Variants in SPACA1 observed in about 807,000 individuals in gnomAD.
SPACA1 encodes sperm acrosome membrane-associated protein 1.
A neutral mutation model predicts 32.6 loss-of-function variants in SPACA1; 17 were observed. The observed-to-expected ratio is 0.52, with a 90% CI of 0.36 to 0.78. SPACA1 has a LOEUF of 0.78. SPACA1 is among the 30% of genes least tolerant of loss of function. The probability of loss-of-function intolerance (pLI) is 0.01; values close to 1 mark genes in which losing one functional copy is unlikely to be tolerated. For missense variants in SPACA1, 363 were observed against 373.4 expected, an observed-to-expected ratio of 0.97 and a Z score of 0.23; for synonymous variants, 140 against 138.1, an observed-to-expected ratio of 1.01 and a Z score of -0.10.
chr6:88,058,839 T>A lies in SPACA1; in HGVS notation c.474+17T>A. ...CAAGACCAAGTGAGTAATGAATGGATATAACCTGGTGCTTTCTAGTGAGTG... is the reference window on the plus strand; with the variant it reads ...CAAGACCAAGTGAGTAATGAATGGAAATAACCTGGTGCTTTCTAGTGAGTG... On this transcript the variant is annotated intron_variant, in intron 4 of 6. Transcript: ENST00000237201. The A allele has an allele frequency of 6.6e-7, 1 of 1,517,658 alleles. No homozygotes were observed. The highest frequency in any genetic ancestry group is 9.1e-7 in the Non-Finnish European group (1 of 1,098,748). 94.0% of individuals were successfully genotyped at this position (1,517,658 alleles called of 1,614,324 possible).
chr6:88,051,246 C>G lies in SPACA1; in HGVS notation c.209-2700C>G, dbSNP rs549107259. Among the ~76,000 whole-genome samples, 16 of 151,844 alleles carry G rather than the reference C, an allele frequency of 1.1e-4. No homozygotes were observed. The South Asian group carries it at 3.4e-3, about 32-fold the overall frequency. On this transcript the variant is annotated intron_variant, in intron 1 of 6. Transcript: ENST00000237201. ...AAATATATCTTTTATACAAGTATAC[C>G]CTTAGATTTATAAAAAGGGGCCAAT...
At chr6:88,061,568 C>T (rs536930343) in intron 5 of SPACA1, among the ~76,000 whole-genome samples, 2 of 152,118 alleles carry the variant, frequency 1.3e-5, no homozygotes, top group East Asian at 3.9e-4. Flanking sequence ...AGTTATGCTA[C>T]CAGAATCCAA....
chr6:88,058,650 A>G, intron 3 of SPACA1, 66 bp from the exon 4 acceptor site: 1 of 1,176,374 alleles, frequency 8.5e-7, no homozygotes, highest in Admixed American at 1.9e-5. Context: ...GGAAAAAAAA[A>G]AGTAATTTCG....
intron 5 of SPACA1, among the ~76,000 whole-genome samples, chr6:88,063,372 A>T (rs1775925278): frequency 6.6e-6 from 1 of 152,228 alleles, no homozygotes; most frequent in Admixed American, 6.5e-5. Flanking sequence ...AATAATAAAA[A>T]AATGATAGTT....
rs2127803203 is a variant in SPACA1, at chr6:88,066,479, A to G, written c.*144A>G. The G allele has an allele frequency of 1.6e-6, 1 of 624,396 alleles. No individual in the cohort carries two copies. The highest frequency in any genetic ancestry group is 2.4e-6 in the Non-Finnish European group (1 of 416,644). 38.7% of individuals were successfully genotyped at this position (624,396 alleles called of 1,614,324 possible). A position where few individuals can be genotyped will look rare whatever the true frequency, so the allele number is the denominator to read the frequency against. Reference sequence around the variant, plus strand: ...GGAAATGCAGTGTGGGGATAGGACTATTTTATCAGTGCATTTTTCCAGTAC... The same window carrying G: ...GGAAATGCAGTGTGGGGATAGGACTGTTTTATCAGTGCATTTTTCCAGTAC... On this transcript the variant is annotated 3_prime_UTR_variant, in exon 7 of 7. Coordinates refer to ENST00000237201, the MANE Select transcript of SPACA1 (RefSeq NM_030960.3).
At chr6:88,054,103 C>A in intron 2 of SPACA1, 101 bp downstream of exon 2, 2 of 927,552 alleles carry the variant, frequency 2.2e-6, no homozygotes, top group Non-Finnish European at 3.4e-6. Context: ...TACTTTCATG[C>A]ATCTCTCATG....
intron 1 of SPACA1, among the ~76,000 whole-genome samples, chr6:88,049,342 C>T (rs1055147128): frequency 2.0e-5 from 3 of 152,104 alleles, no homozygotes; most frequent in African/African-American, 4.8e-5. Context: ...AATGTCTTAC[C>T]TTCAAATTAA....
intron 4 of SPACA1, 101 bp from the exon 5 acceptor site, chr6:88,059,352 A>G: frequency 9.4e-7 from 1 of 1,067,184 alleles, no homozygotes; most frequent in South Asian, 1.7e-5. Flanking sequence ...AACTAGGCTA[A>G]GAGAGACAGT....
chr6:88,052,132 A>T (rs771384821), intron 1 of SPACA1, among the ~76,000 whole-genome samples: 51 of 152,326 alleles, frequency 3.3e-4, no homozygotes, highest in African/African-American at 1.1e-3. Flanking sequence ...TCCCATTTTT[A>T]AAAAAAGTTA....
At chr6:88,052,901 AT>A in intron 1 of SPACA1, among the ~76,000 whole-genome samples, 1 of 152,200 alleles carries the variant, frequency 6.6e-6, no homozygotes, top group Non-Finnish European at 1.5e-5. Flanking sequence ...TTATGAAGCT[AT>A]TTTGAGATTT....
intron 3 of SPACA1, among the ~76,000 whole-genome samples, chr6:88,058,443 G>A (rs964636941): frequency 2.0e-5 from 3 of 152,054 alleles, no homozygotes; most frequent in Admixed American, 2.0e-4. Flanking sequence ...TTGAGACCAG[G>A]CTGGGCAACA....
upstream of SPACA1, among the ~76,000 whole-genome samples, chr6:88,047,231 A>G (rs1352641525): frequency 6.6e-6 from 1 of 152,172 alleles, no homozygotes; most frequent in Non-Finnish European, 1.5e-5. Flanking sequence ...TTTGTAAATA[A>G]TTTCTGGATT....
chr6:88,064,198 T>G lies in SPACA1; in HGVS notation c.710T>G (p.Leu237Trp), dbSNP rs2276089. 28 of 1,612,364 alleles carry G rather than the reference T, an allele frequency of 1.7e-5. No individual in the cohort carries two copies. Among genetic ancestry groups the G allele is most frequent in the Admixed American group, 5.0e-5 (3 of 59,816 alleles). Residue 237 changes from leucine (L) to tryptophan (W), a missense_variant, in exon 6 of 7, where the codon TTG becomes TGG. Transcript: ENST00000237201. ...ATCTGTGTATTTATAATTTTCTTAT[T>G]GATCTTCATAATCATAAATTGGTAG... ...VIICVFIIFL[L>W]IFIIINWAAV... is the part of the protein sequence containing the mutation.
intron 2 of SPACA1, among the ~76,000 whole-genome samples, chr6:88,054,954 G>A (rs1446510787): frequency 6.6e-6 from 1 of 151,946 alleles, no homozygotes; most frequent in Non-Finnish European, 1.5e-5. Context: ...AAACTAAAAT[G>A]CCCATTAAAC....
At chr6:88,060,682 C>G (rs1242676881) in intron 5 of SPACA1, among the ~76,000 whole-genome samples, 4 of 152,074 alleles carry the variant, frequency 2.6e-5, no homozygotes, top group East Asian at 1.9e-4. Context: ...CAATAAAGCT[C>G]TAAAAAAGGC....
chr6:88,064,067 T>A lies in SPACA1; in HGVS notation c.611-32T>A, dbSNP rs140918201. The A allele has an allele frequency of 1.9e-4, 307 of 1,600,610 alleles. 2 individuals carry two copies. The African/African-American group carries it at 3.7e-3, about 19-fold the overall frequency. ...ATATTCATTTCCTTTTCCTCAGTAG[T>A]AATACTCCTTAGGTTTGTGTGTTTT... On this transcript the variant is annotated intron_variant, in intron 5 of 6. Coordinates refer to ENST00000237201, the MANE Select transcript of SPACA1 (RefSeq NM_030960.3).
chr6:88,064,564 T>C (rs555593943), intron 6 of SPACA1: 1 of 156,796 alleles, frequency 6.4e-6, no homozygotes, highest in South Asian at 1.9e-4. Context: ...TATTGTAACC[T>C]ACTAATTCAT....
At chr6:88,048,981 C>T (rs1246654238) in intron 1 of SPACA1, among the ~76,000 whole-genome samples, 4 of 152,080 alleles carry the variant, frequency 2.6e-5, no homozygotes, top group Admixed American at 2.6e-4. Flanking sequence ...TCTCTTCAGT[C>T]TATACATATC....
chr6:88,057,869 T>C (rs1009785720), intron 3 of SPACA1, among the ~76,000 whole-genome samples, 156 bp downstream of exon 3: 2 of 152,242 alleles, frequency 1.3e-5, no homozygotes, highest in Admixed American at 6.5e-5. Flanking sequence ...CAAACAGTTA[T>C]AGTTCTGAGC....
Sources: allele counts gnomAD v4.1 joint callset (sites outside exome capture counted in the v4.1 genomes callset), GRCh38; gene constraint gnomAD v4.1.1; transcripts MANE v1.5; gene names NCBI Gene and HGNC (gene_info 2026-07-23, HGNC 2026-07-21).